Variants in FBN3 observed in about 807,000 individuals in gnomAD.
FBN3 encodes the protein fibrillin 3.
Under a neutral mutation model 330.1 loss-of-function variants are expected in FBN3, and 234 were observed. The ratio of observed to expected loss-of-function variants is 0.71; its 90% CI spans 0.64 to 0.79. The LOEUF (loss-of-function observed/expected upper bound fraction) is 0.79. Among genes scored for constraint, FBN3 ranks in the 30% least tolerant of loss-of-function variants. The pLI is 0.00. For synonymous variants in FBN3, 1,458 were observed against 1,517.3 expected, an observed-to-expected ratio of 0.96 and a Z score of 0.91; for missense variants, 3,606 against 3,886.9, an observed-to-expected ratio of 0.93 and a Z score of 1.92.
chr19:8,122,492 G>A lies in FBN3; in HGVS notation c.3082+972C>T, dbSNP rs576274310. 7.2e-5 allele frequency among the ~76,000 whole-genome samples: 11 copies of A among 152,090 alleles called. No individual in the cohort carries two copies. The East Asian group carries it at 1.7e-3, about 24-fold the overall frequency. ...AGTGATTCTCCTGCCTCGGCCTCCC[G>A]AGTAGCTGGGATTACAGGCGCCCGC... is the stretch of plus-strand genomic sequence containing the variant. On this transcript the variant is annotated intron_variant, in intron 24 of 63. Coordinates refer to ENST00000600128, the MANE Select transcript of FBN3 (RefSeq NM_032447.5).
At position 8,081,024 on chromosome 19, in the gene FBN3, G is replaced by A. The variant is rs1002790209; in HGVS notation, c.7432C>T (p.Gln2478Ter). ...TCACCGAAGCAGGCCTGGTGGTGCT[G>A]GGTGAAGCCGGGCGGACAGCGGCAG... ...FTCRCPPGFT[Q>*]HHQACFDNDE... The change falls in exon 59 of 64, where the codon CAG becomes TAG. Residue 2478 changes from glutamine (Q) to a stop codon, truncating the protein, a stop_gained. Coordinates refer to ENST00000600128, the MANE Select transcript of FBN3 (RefSeq NM_032447.5). LOFTEE classifies it high-confidence loss of function. 1 of 1,612,504 alleles carries A rather than the reference G, an allele frequency of 6.2e-7. No homozygotes were observed. The highest frequency in any genetic ancestry group is 8.5e-7 in the Non-Finnish European group (1 of 1,179,428).
intron 10 of FBN3, 125 bp downstream of exon 10, chr19:8,138,016 T>C (rs922586213): frequency 9.1e-7 from 1 of 1,093,820 alleles, no homozygotes; most frequent in Non-Finnish European, 1.3e-6. Context: ...AGGCCAGGAG[T>C]TCCCCCTCCA....
intron 62 of FBN3, among the ~76,000 whole-genome samples, chr19:8,072,672 G>A (rs553561792): frequency 6.6e-6 from 1 of 151,984 alleles, no homozygotes; most frequent in African/African-American, 2.4e-5. Flanking sequence ...GTGCCCCCAG[G>A]GATGTGGGCA....
rs2082520373 is a variant in FBN3, at chr19:8,109,242, G to A, written c.4603C>T (p.Pro1535Ser). The A allele has an allele frequency of 6.2e-7, 1 of 1,613,972 alleles. No homozygotes were observed. Among genetic ancestry groups the A allele is most frequent in the East Asian group, 2.2e-5 (1 of 44,900 alleles). ...RAWGNPCELC[P>S]MANTTEYRTL... ...AGGGACTCACTGGTGTTGGCCATAG[G>A]GCACAGCTCACAGGGATTGCCCCAA... is the stretch of plus-strand genomic sequence containing the variant. The change falls in exon 36 of 64, where the codon CCT becomes TCT. Residue 1535 changes from proline (P) to serine (S), a missense_variant. Coordinates refer to ENST00000600128, the MANE Select transcript of FBN3 (RefSeq NM_032447.5). The surrounding 1 kb of genome is among the most constrained non-coding windows in gnomAD (Gnocchi z 5.2).
intron 51 of FBN3, 23 bp downstream of exon 51, chr19:8,089,522 C>T: frequency 1.2e-6 from 2 of 1,613,430 alleles, no homozygotes; most frequent in Non-Finnish European, 8.5e-7. Context: ...TGGGACAGAG[C>T]TGGGGAAGGG....
At chr19:8,119,128 A>C (rs1599385633) in intron 25 of FBN3, 106 bp from the exon 26 acceptor site, 1 of 1,337,456 alleles carries the variant, frequency 7.5e-7, no homozygotes, top group Non-Finnish European at 1.0e-6. Context: ...AGCCCCCTTC[A>C]CCCCAGCGGG....
chr19:8,086,811 T>C (rs899007106), intron 54 of FBN3, among the ~76,000 whole-genome samples: 7 of 151,566 alleles, frequency 4.6e-5, no homozygotes, highest in Non-Finnish European at 4.4e-5. Flanking sequence ...TCTCACTCTG[T>C]CGTCCAGGCT....
intron 30 of FBN3, among the ~76,000 whole-genome samples, chr19:8,113,249 G>A (rs572517020): frequency 2.8e-4 from 42 of 152,192 alleles, no homozygotes; most frequent in Non-Finnish European, 5.4e-4. Context: ...AACATAGTGA[G>A]AACCTGTTTC....
chr19:8,142,218 GGC>G, intron 6 of FBN3, 81 bp from the exon 7 acceptor site: 1 of 1,138,874 alleles, frequency 8.8e-7, no homozygotes, highest in South Asian at 1.5e-5. Flanking sequence ...CCTTCTCAGC[GGC>G]CCCTGCACCC....
chr19:8,129,430 T>A lies in FBN3; in HGVS notation c.2045-65A>T. 6.3e-7 allele frequency: 1 copy of A among 1,591,576 alleles called. No individual in the cohort carries two copies. Among genetic ancestry groups the A allele is most frequent in the Non-Finnish European group, 8.6e-7 (1 of 1,167,788 alleles). On this transcript the variant is annotated intron_variant, in intron 16 of 63. Transcript: ENST00000600128. The surrounding 1 kb of genome is among the most constrained non-coding windows in gnomAD (Gnocchi z 4.5). ...GGGTGTGTCCGAGGCAGGAGGAGGGTGTGTCGCGGCGCACCAGGGGTCTCT... is the reference window on the plus strand; with the variant it reads ...GGGTGTGTCCGAGGCAGGAGGAGGGAGTGTCGCGGCGCACCAGGGGTCTCT...
At chr19:8,068,222 T>C (rs1443148695) in intron 63 of FBN3, among the ~76,000 whole-genome samples, 1 of 119,966 alleles carries the variant, frequency 8.3e-6, no homozygotes, top group Non-Finnish European at 1.8e-5. Context: ...CCATCTCTAC[T>C]AAAAATACAA....
At chr19:8,118,773 G>A in intron 26 of FBN3, 124 bp downstream of exon 26, 4 of 1,212,256 alleles carry the variant, frequency 3.3e-6, no homozygotes, top group Non-Finnish European at 4.7e-6. Flanking sequence ...ACATAGGTAT[G>A]GCCTCAGAAA....
At chr19:8,075,462 G>A in intron 59 of FBN3, 51 bp from the exon 60 acceptor site, 1 of 1,579,660 alleles carries the variant, frequency 6.3e-7, no homozygotes, top group Non-Finnish European at 8.6e-7. Context: ...AGGAACTCGT[G>A]TCAGGTGACA....
intron 14 of FBN3, among the ~76,000 whole-genome samples, chr19:8,132,240 G>T (rs1424310832): frequency 6.6e-6 from 1 of 151,992 alleles, no homozygotes; most frequent in African/African-American, 2.4e-5. Context: ...TAGAGACGGA[G>T]TCTCATCATG....
In FBN3 at chr19:8,129,099, T is replaced by G; in HGVS notation, c.2225A>C (p.Asn742Thr). 1 of 1,613,220 alleles carries G rather than the reference T, an allele frequency of 6.2e-7. No individual in the cohort carries two copies. The highest frequency in any genetic ancestry group is 1.1e-5 in the South Asian group (1 of 91,000). ...GGAGCAGCTGTAGCTGCCAGGGCTA[T>G]TCTGGCACCACCCGTTGTCACACAG... Reference protein sequence around the residue: ...SLLCDNGWCQNSPGSYSCSCP... With the variant: ...SLLCDNGWCQTSPGSYSCSCP... Residue 742 changes from asparagine (N) to threonine (T), a missense_variant, in exon 18 of 64, where the codon AAT (asparagine) becomes ACT (threonine). Coordinates refer to ENST00000600128, the MANE Select transcript of FBN3 (RefSeq NM_032447.5). This position sits in a 1 kb window ranked among gnomAD's most constrained non-coding sequence, Gnocchi z 4.5.
Position 8,096,124 on chromosome 19 carries a change from A to G in FBN3, c.5540-44T>C, listed in dbSNP as rs778539590. The G allele has an allele frequency of 2.7e-6, 4 of 1,479,666 alleles. No individual in the cohort carries two copies. The highest frequency in any genetic ancestry group is 1.4e-5 in the African/African-American group (1 of 72,336). The allele number at this position is 1,479,666 out of a possible 1,614,324, so 91.7% of individuals were successfully genotyped here. On this transcript the variant is annotated intron_variant, in intron 44 of 63. Coordinates refer to ENST00000600128, the MANE Select transcript of FBN3 (RefSeq NM_032447.5). The surrounding 1 kb of genome is among the most constrained non-coding windows in gnomAD (Gnocchi z 4.6). ...GAGCCCAACCCAGCTCACCCAGGGCATTGGGGAACTTGGGGAGTGAGAGGC... is the reference window on the plus strand; with the variant it reads ...GAGCCCAACCCAGCTCACCCAGGGCGTTGGGGAACTTGGGGAGTGAGAGGC...
chr19:8,133,254 T>C (rs1266036340), intron 13 of FBN3, 148 bp from the exon 14 acceptor site: 1 of 1,056,608 alleles, frequency 9.5e-7, no homozygotes, highest in Non-Finnish European at 1.3e-6. Flanking sequence ...CTGTGTGAGC[T>C]TGTATATTAG....
chr19:8,135,936 G>GGGGGGGGGGGGGGGGGGGGGGGGCC, intron 13 of FBN3, 25 bp downstream of exon 13: 9 of 668,776 alleles, frequency 1.3e-5, no homozygotes, highest in Non-Finnish European at 2.2e-5. Flanking sequence ...GGAAGCCCCT[G>GGGGGGGGGGGGGGGGGGGGGGGGCC]CCCACCCGCC....
In FBN3 at chr19:8,089,965, C is replaced by T. The variant is rs371496091; in HGVS notation, c.6185-6G>A. ...GCAGAGCTCCTGAAAGGCAGCTGGACGGAGAGGGGGAGGGGAGTCAGAGTC... is the reference window on the plus strand; with the variant it reads ...GCAGAGCTCCTGAAAGGCAGCTGGATGGAGAGGGGGAGGGGAGTCAGAGTC... On this transcript the variant is annotated splice_polypyrimidine_tract_variant and splice_region_variant and intron_variant, in intron 49 of 63. Coordinates refer to ENST00000600128, the MANE Select transcript of FBN3 (RefSeq NM_032447.5). The T allele has an allele frequency of 6.8e-5, 110 of 1,609,348 alleles. No homozygotes were observed. In the East Asian group the frequency reaches 8.7e-4, roughly 13 times the overall value.
Sources: allele counts gnomAD v4.1 joint callset (sites outside exome capture counted in the v4.1 genomes callset), GRCh38; gene constraint gnomAD v4.1.1; non-coding constraint Gnocchi (gnomAD v3.1); transcripts MANE v1.5; gene names NCBI Gene and HGNC (gene_info 2026-07-23, HGNC 2026-07-21).